Variants in JADE3 observed in about 807,000 individuals in gnomAD.
The protein encoded by JADE3 is protein Jade-3.
In JADE3, 2 loss-of-function variants were observed where a neutral mutation model predicts 50.1. That is an observed-to-expected ratio of 0.04 (90% CI 0.02 to 0.13). JADE3 has a LOEUF of 0.13. Among genes scored for constraint, JADE3 ranks in the 10% least tolerant of loss-of-function variants. The pLI is 1.00. For missense variants in JADE3, 475 were observed against 634.4 expected, an observed-to-expected ratio of 0.75 and a Z score of 2.70; for synonymous variants, 218 against 232.9, an observed-to-expected ratio of 0.94 and a Z score of 0.58.
intron 1 of JADE3, among the ~76,000 whole-genome samples, chrX:46,968,066 G>C (rs782086059): frequency 8.9e-5 from 10 of 111,872 alleles, no homozygotes; most frequent in Admixed American, 2.8e-4. Context: ...CCCCAGGCTT[G>C]TAAGTTTTAC....
chrX:47,057,654 T>G (rs1179399552), intron 10 of JADE3, among the ~76,000 whole-genome samples: 1 of 111,566 alleles, frequency 9.0e-6, no homozygotes, highest in African/African-American at 3.3e-5. Context: ...TTCAAACACA[T>G]ACATACTCTT....
chrX:46,976,853 T>C (rs1556351751), intron 1 of JADE3, among the ~76,000 whole-genome samples: 1 of 111,488 alleles, frequency 9.0e-6, no homozygotes, highest in Non-Finnish European at 1.9e-5. Context: ...TCCCTTCTAG[T>C]TCTTAAATGA....
Position 46,936,105 on chromosome X carries a change from G to A in JADE3, c.-12+23386G>A, listed in dbSNP as rs186252460. Among the ~76,000 whole-genome samples the A allele has an allele frequency of 9.0e-3, 944 of 105,121 alleles. 8 individuals are homozygous for A. The highest frequency in any genetic ancestry group is 0.015 in the Non-Finnish European group (777 of 51,800). The allele number at this position is 105,121 out of a possible 115,157, so 91.3% of individuals were successfully genotyped here. On this transcript the variant is annotated intron_variant, in intron 1 of 10. Transcript: ENST00000614628. ...ACGATCTTGGCTCACTGAAACCTCC[G>A]CTTCCTGGGTTCAAGCAATTCTCCT...
chrX:46,998,272 T>C lies in JADE3; in HGVS notation c.279T>C (p.Ser93=), dbSNP rs1426797789. The C allele has an allele frequency of 1.7e-6, 2 of 1,203,104 alleles. No individual in the cohort carries two copies. Among genetic ancestry groups the C allele is most frequent in the Non-Finnish European group, 2.2e-6 (2 of 891,758 alleles). ...PASPDTVPQP[S]LRIIAEKVKD... ...GTCCAGACACCGTTCCACAGCCTTC[T>C]CTCAGGTATTTGCATGCTTGCACCT... Residue 93 remains serine (S), a synonymous_variant, in exon 4 of 11, where the codon TCT becomes TCC. Transcript: ENST00000614628.
intron 4 of JADE3, among the ~76,000 whole-genome samples, chrX:47,017,538 G>T (rs1928701641): frequency 8.9e-6 from 1 of 111,934 alleles, no homozygotes; most frequent in African/African-American, 3.2e-5. Context: ...GTGTGTGCAT[G>T]TGTGTATGTT....
At chrX:47,005,111 G>A (rs191943146) in intron 4 of JADE3, among the ~76,000 whole-genome samples, 161 of 111,887 alleles carry the variant, frequency 1.4e-3, no homozygotes, top group Non-Finnish European at 2.3e-3. Context: ...TGTTCCCAGA[G>A]TTGGTGCTGG....
At chrX:47,055,294 T>C (rs1556373165) in intron 9 of JADE3, among the ~76,000 whole-genome samples, 1 of 111,924 alleles carries the variant, frequency 8.9e-6, no homozygotes, top group African/African-American at 3.2e-5. Context: ...GCCCTGTGTT[T>C]ATCCTAGAGA....
intron 4 of JADE3, among the ~76,000 whole-genome samples, chrX:47,017,668 C>T (rs1556363214): frequency 8.9e-6 from 1 of 111,813 alleles, no homozygotes; most frequent in Admixed American, 9.5e-5. Context: ...TGTTCTATAA[C>T]TTGCTTTTTT....
At chrX:46,982,487 GT>G (rs782578648) in intron 1 of JADE3, among the ~76,000 whole-genome samples, 2 of 111,336 alleles carry the variant, frequency 1.8e-5, no homozygotes, top group Non-Finnish European at 3.8e-5. Context: ...ATACTTTCCT[GT>G]TTCTTTGCAT....
At chrX:46,921,928 T>G (rs1556337796) in intron 1 of JADE3, among the ~76,000 whole-genome samples, 1 of 109,577 alleles carries the variant, frequency 9.1e-6, no homozygotes, top group Non-Finnish European at 1.9e-5. Context: ...TCCTTTTTTT[T>G]TTTTTTAATA....
At chrX:46,930,870 A>G (rs1339220642) in intron 1 of JADE3, among the ~76,000 whole-genome samples, 1 of 111,311 alleles carries the variant, frequency 9.0e-6, no homozygotes, top group Non-Finnish European at 1.9e-5. Flanking sequence ...CCTCAGTGCC[A>G]TAAAGCTCTT....
chrX:47,020,584 T>C (rs1167019110), intron 4 of JADE3, among the ~76,000 whole-genome samples: 4 of 112,413 alleles, frequency 3.6e-5, no homozygotes, highest in Non-Finnish European at 7.5e-5. Flanking sequence ...CCATGTATTT[T>C]CTTGTAGTTG....
chrX:46,951,644 T>C (rs1366655105), intron 1 of JADE3, among the ~76,000 whole-genome samples: 1 of 108,566 alleles, frequency 9.2e-6, no homozygotes, highest in Non-Finnish European at 1.9e-5. Flanking sequence ...ATTCTAGTTA[T>C]ACAAATGTTA....
At chrX:47,026,249 A>G (rs1158107619) in intron 5 of JADE3, among the ~76,000 whole-genome samples, 1 of 112,343 alleles carries the variant, frequency 8.9e-6, no homozygotes, top group East Asian at 2.8e-4. Flanking sequence ...AAACTACCTT[A>G]TTATGAGGTT....
At chrX:46,989,087 C>T (rs1418911624) in intron 3 of JADE3, among the ~76,000 whole-genome samples, 1 of 111,593 alleles carries the variant, frequency 9.0e-6, no homozygotes, top group Non-Finnish European at 1.9e-5. Flanking sequence ...ATCCACCCAC[C>T]TTGGCCTCCC....
chrX:46,976,244 C>A, intron 1 of JADE3, among the ~76,000 whole-genome samples: 1 of 111,616 alleles, frequency 9.0e-6, no homozygotes, highest in Middle Eastern at 4.6e-3. Flanking sequence ...CTTTTCCTTT[C>A]CTTGGCCTGC....
At chrX:47,015,486 A>G (rs1259528569) in intron 4 of JADE3, among the ~76,000 whole-genome samples, 20 of 107,848 alleles carry the variant, frequency 1.9e-4, no homozygotes, top group Admixed American at 1.6e-3. Context: ...CGGGAGGCTG[A>G]GGCATGAGAA....
Position 46,952,358 on chromosome X carries a change from A to G in JADE3, c.-11-32526A>G, listed in dbSNP as rs1927022905. Among the ~76,000 whole-genome samples the G allele has an allele frequency of 2.7e-5, 3 of 112,009 alleles. No homozygotes were observed. In the Admixed American group the frequency reaches 2.8e-4, roughly 11 times the overall value. On this transcript the variant is annotated intron_variant, in intron 1 of 10. Coordinates refer to ENST00000614628, the MANE Select transcript of JADE3 (RefSeq NM_014735.5). ...ACTTTCTGTGGGGTGTAGTTCAAATATCAGTTCAGTATTCAATGGCTTTGC... is the reference window on the plus strand; with the variant it reads ...ACTTTCTGTGGGGTGTAGTTCAAATGTCAGTTCAGTATTCAATGGCTTTGC...
chrX:46,958,143 T>C (rs782342240), intron 1 of JADE3, among the ~76,000 whole-genome samples: 9 of 111,849 alleles, frequency 8.0e-5, no homozygotes, highest in Non-Finnish European at 1.5e-4. Flanking sequence ...GATTGGAACA[T>C]GGTTGTCCAG....
Sources: allele counts gnomAD v4.1 joint callset (sites outside exome capture counted in the v4.1 genomes callset), GRCh38; gene constraint gnomAD v4.1.1; transcripts MANE v1.5; gene names NCBI Gene and HGNC (gene_info 2026-07-23, HGNC 2026-07-21).